The following EYS variants were observed in gnomAD, a reference collection of about 807,000 sequenced individuals.
EYS encodes the protein protein eyes shut homolog.
In EYS, 250 loss-of-function variants were observed where a neutral mutation model predicts 282.1. The ratio of observed to expected loss-of-function variants is 0.89; its 90% CI spans 0.80 to 0.98. The LOEUF (loss-of-function observed/expected upper bound fraction) is 0.98. Ranked by LOEUF, EYS falls within the 50% of genes least tolerant of loss-of-function variation. The pLI is 0.00. For missense variants in EYS, 4,016 were observed against 3,709.0 expected (o/e 1.08, Z -2.15); for synonymous variants, 1,355 against 1,282.9 (o/e 1.06, Z -1.20).
At chr6:65,594,214 G>C (rs892051042) in intron 2 of EYS, among the ~76,000 whole-genome samples, 1 of 151,954 alleles carries the variant, frequency 6.6e-6, no homozygotes, top group Non-Finnish European at 1.5e-5. Flanking sequence ...TTACATGGTT[G>C]TATATGCTTT....
chr6:65,255,696 G>A (rs1387245513), intron 12 of EYS, among the ~76,000 whole-genome samples: 1 of 152,014 alleles, frequency 6.6e-6, no homozygotes, highest in Non-Finnish European at 1.5e-5. Flanking sequence ...TTAGGCAGAT[G>A]ATCTGAACAG....
At chr6:65,318,555 AT>A (rs1769377831) in intron 11 of EYS, among the ~76,000 whole-genome samples, 1 of 146,788 alleles carries the variant, frequency 6.8e-6, no homozygotes, top group Non-Finnish European at 1.5e-5. Context: ...TATTATATAT[AT>A]TTTATATATT....
intron 5 of EYS, among the ~76,000 whole-genome samples, chr6:65,460,282 A>T (rs1764783338): frequency 6.6e-6 from 1 of 151,452 alleles, no homozygotes; most frequent in African/African-American, 2.4e-5. Flanking sequence ...ATAGGCAAAA[A>T]TTTCTATTAT....
intron 36 of EYS, among the ~76,000 whole-genome samples, chr6:63,842,019 C>A (rs1771974345): frequency 6.6e-6 from 1 of 152,080 alleles, no homozygotes; most frequent in Non-Finnish European, 1.5e-5. Context: ...GATGGGCATT[C>A]AGGTTGGTTC....
intron 31 of EYS, among the ~76,000 whole-genome samples, chr6:64,205,342 T>C (rs994184038): frequency 1.3e-5 from 2 of 152,204 alleles, no homozygotes; most frequent in African/African-American, 2.4e-5. Flanking sequence ...TTGATCTTTA[T>C]AATCATGGTT....
chr6:65,611,558 T>G (rs912052411), intron 2 of EYS, among the ~76,000 whole-genome samples: 1 of 152,064 alleles, frequency 6.6e-6, no homozygotes, highest in African/African-American at 2.4e-5. Context: ...GAATTAAAAT[T>G]ATTTTATTGT....
chr6:65,211,969 T>C (rs951319943), intron 12 of EYS, among the ~76,000 whole-genome samples: 2 of 151,990 alleles, frequency 1.3e-5, no homozygotes, highest in Non-Finnish European at 2.9e-5. Flanking sequence ...ATCTAAATTA[T>C]GGACAAATAA....
At chr6:63,874,423 T>C (rs1222402809) in intron 35 of EYS, among the ~76,000 whole-genome samples, 1 of 152,230 alleles carries the variant, frequency 6.6e-6, no homozygotes, top group Non-Finnish European at 1.5e-5. Flanking sequence ...TGAAGTCAGG[T>C]AGCATGATGC....
At chr6:65,408,618 T>C (rs952700468) in intron 5 of EYS, among the ~76,000 whole-genome samples, 1 of 152,164 alleles carries the variant, frequency 6.6e-6, no homozygotes, top group African/African-American at 2.4e-5. Context: ...CCTTGTATTT[T>C]TTCCTTGTTC....
intron 30 of EYS, among the ~76,000 whole-genome samples, chr6:64,238,255 G>A (rs973340401): frequency 6.6e-6 from 1 of 152,132 alleles, no homozygotes; most frequent in Non-Finnish European, 1.5e-5. Context: ...ATCCTTGGGT[G>A]TTAGGCAGGA....
rs866791685 is a variant in EYS at position 65,120,468 on chromosome 6, A to G, written c.2024-62741T>C. ...CTTTTTCTTTAAATAAGCAAAAAAAAAAAAAAAAAAAAAAAATCTTTGGTT... is the reference window on the plus strand; with the variant it reads ...CTTTTTCTTTAAATAAGCAAAAAAAGAAAAAAAAAAAAAAAATCTTTGGTT... On this transcript the variant is annotated intron_variant, in intron 12 of 42. Transcript: ENST00000503581. 2.9e-4 allele frequency among the ~76,000 whole-genome samples: 43 copies of G among 148,090 alleles called. No individual in the cohort carries two copies. In the South Asian group the frequency reaches 9.1e-3, roughly 31 times the overall value.
chr6:64,076,690 C>G (rs888531938), intron 32 of EYS, among the ~76,000 whole-genome samples: 1 of 151,854 alleles, frequency 6.6e-6, no homozygotes, highest in Non-Finnish European at 1.5e-5. Context: ...ACCTCCCCAG[C>G]CCCGTGGAAC....
At chr6:64,349,572 A>T (rs887142176) in intron 29 of EYS, among the ~76,000 whole-genome samples, 1 of 151,356 alleles carries the variant, frequency 6.6e-6, no homozygotes, top group Admixed American at 6.6e-5. Context: ...AAATAAATAG[A>T]ATCTTCTATT....
intron 1 of EYS, among the ~76,000 whole-genome samples, chr6:65,703,856 C>T (rs888804599): frequency 6.6e-6 from 1 of 152,078 alleles, no homozygotes; most frequent in Non-Finnish European, 1.5e-5. Flanking sequence ...ACTGTAAATT[C>T]ATTATGTAAT....
At chr6:64,560,163 A>G (rs186627352) in intron 26 of EYS, among the ~76,000 whole-genome samples, 57 of 152,140 alleles carry the variant, frequency 3.7e-4, no homozygotes, top group South Asian at 1.2e-3. Flanking sequence ...ATACCAAAAT[A>G]TACTAATTTT....
intron 12 of EYS, among the ~76,000 whole-genome samples, chr6:65,142,362 T>G (rs1285598718): frequency 6.6e-6 from 1 of 151,876 alleles, no homozygotes; most frequent in Non-Finnish European, 1.5e-5. Flanking sequence ...AGTTACAGTT[T>G]CAACACTTCA....
chr6:64,831,452 T>G (rs1226396107), intron 19 of EYS, among the ~76,000 whole-genome samples: 1 of 151,990 alleles, frequency 6.6e-6, no homozygotes, highest in East Asian at 1.9e-4. Flanking sequence ...CAAGGAACTT[T>G]TACTGATGCT....
chr6:63,958,753 A>T (rs1054573499), intron 35 of EYS, among the ~76,000 whole-genome samples: 1 of 152,240 alleles, frequency 6.6e-6, no homozygotes, highest in Non-Finnish European at 1.5e-5. Context: ...GTGCTCACTT[A>T]CCATTCCAAA....
At chr6:65,429,537 C>T (rs2150382940) in intron 5 of EYS, among the ~76,000 whole-genome samples, 1 of 152,216 alleles carries the variant, frequency 6.6e-6, no homozygotes, top group East Asian at 1.9e-4. Context: ...GCTTCATTGT[C>T]CGTATACAGT....
Sources: gnomAD v4.1 joint callset for allele counts (sites outside exome capture counted in the v4.1 genomes callset) on GRCh38, gnomAD v4.1.1 for gene constraint, MANE v1.5 for transcripts, NCBI Gene and HGNC (gene_info 2026-07-23, HGNC 2026-07-21) for gene names.